Variants in SLC13A1 observed in about 807,000 individuals in gnomAD.
SLC13A1 encodes solute carrier family 13 member 1, also known as Na(+)/sulfate cotransporter.
A neutral mutation model predicts 70.0 loss-of-function variants in SLC13A1; 65 were observed. The observed-to-expected ratio is 0.93, with a 90% CI of 0.76 to 1.14. The LOEUF is 1.14. Among genes scored for constraint, SLC13A1 ranks in the 50% most tolerant of loss-of-function variants. SLC13A1 has a pLI of 0.00. For missense variants in SLC13A1, 726 were observed against 717.8 expected (o/e 1.01, Z -0.13); for synonymous variants, 275 against 250.5 (o/e 1.10, Z -0.92).
chr7:123,117,039 T>A (rs756254610), intron 14 of SLC13A1, among the ~76,000 whole-genome samples: 2 of 152,206 alleles, frequency 1.3e-5, no homozygotes, highest in Non-Finnish European at 2.9e-5. Context: ...AGTGAGGCAC[T>A]GACTCAGTGT....
chr7:123,141,457 T>C (rs1794139428), intron 7 of SLC13A1, among the ~76,000 whole-genome samples: 1 of 152,114 alleles, frequency 6.6e-6, no homozygotes, highest in Admixed American at 6.5e-5. Context: ...AGTCCAATGT[T>C]TCTTTGTTGA....
At chr7:123,137,223 A>G (rs1793982244) in intron 7 of SLC13A1, among the ~76,000 whole-genome samples, 1 of 152,212 alleles carries the variant, frequency 6.6e-6, no homozygotes, top group Non-Finnish European at 1.5e-5. Context: ...TGTGGTAGAC[A>G]GAGTTCCAAG....
chr7:123,159,688 AT>A (rs1445641079), intron 6 of SLC13A1, among the ~76,000 whole-genome samples: 2 of 152,174 alleles, frequency 1.3e-5, no homozygotes, highest in African/African-American at 4.8e-5. Flanking sequence ...GTAGCGTGAA[AT>A]AAAAGAAAAT....
At chr7:123,116,904 GC>G in intron 14 of SLC13A1, among the ~76,000 whole-genome samples, 1 of 152,272 alleles carries the variant, frequency 6.6e-6, no homozygotes. Flanking sequence ...TGAATATTCT[GC>G]CAGTACTTTT....
At chr7:123,194,411 G>A (rs990444548) in intron 1 of SLC13A1, among the ~76,000 whole-genome samples, 10 of 152,260 alleles carry the variant, frequency 6.6e-5, no homozygotes, top group African/African-American at 2.2e-4. Context: ...GGACTGTGTG[G>A]TGGAGGCTTT....
chr7:123,138,711 A>G (rs973406125), intron 7 of SLC13A1, among the ~76,000 whole-genome samples: 1 of 152,210 alleles, frequency 6.6e-6, no homozygotes, highest in Non-Finnish European at 1.5e-5. Flanking sequence ...TGCCATTTGT[A>G]TGTCTTATTT....
At chr7:123,132,806 C>T (rs1793813301) in intron 8 of SLC13A1, among the ~76,000 whole-genome samples, 2 of 152,224 alleles carry the variant, frequency 1.3e-5, no homozygotes, top group South Asian at 2.1e-4. Context: ...TGATATACAG[C>T]GACTTCACCT....
chr7:123,126,404 A>T (rs1166891194), intron 10 of SLC13A1, among the ~76,000 whole-genome samples: 2 of 152,202 alleles, frequency 1.3e-5, no homozygotes, highest in Non-Finnish European at 2.9e-5. Context: ...AGATTCCCAG[A>T]AGCCTCAACA....
intron 6 of SLC13A1, among the ~76,000 whole-genome samples, chr7:123,153,306 C>T (rs910267207): frequency 2.6e-5 from 4 of 151,936 alleles, no homozygotes; most frequent in African/African-American, 9.7e-5. Context: ...ATATCATCAA[C>T]AATTTATAAA....
intron 1 of SLC13A1, among the ~76,000 whole-genome samples, chr7:123,198,421 A>C (rs1796251569): frequency 7.5e-6 from 1 of 133,832 alleles, no homozygotes; most frequent in African/African-American, 2.6e-5. Flanking sequence ...ATTCTGTACG[A>C]ATTTGAGGGC....
At position 123,114,538 on chromosome 7, in the gene SLC13A1, A is replaced by C. The variant is rs979357241; in HGVS notation, c.*980T>G. On this transcript the variant is annotated 3_prime_UTR_variant, in exon 15 of 15. Transcript: ENST00000194130. ...TTTTCCTTCTTTTTTTCATTTTTTC[A>C]TTGCAATGTTAACACACCAGAGTTA... The C allele has an allele frequency of 1.3e-5, 2 of 149,448 alleles. No individual in the cohort carries two copies. Among genetic ancestry groups the C allele is most frequent in the Non-Finnish European group, 3.0e-5 (2 of 67,282 alleles). 9.3% of individuals were successfully genotyped at this position (149,448 alleles called of 1,614,324 possible).
At chr7:123,125,184 A>G (rs1189580758) in intron 11 of SLC13A1, among the ~76,000 whole-genome samples, 1 of 152,172 alleles carries the variant, frequency 6.6e-6, no homozygotes, top group South Asian at 2.1e-4. Context: ...CTTGAAATTC[A>G]TCACCTTTTT....
chr7:123,183,084 T>C (rs909236597), intron 1 of SLC13A1, among the ~76,000 whole-genome samples: 2 of 152,122 alleles, frequency 1.3e-5, no homozygotes, highest in African/African-American at 4.8e-5. Flanking sequence ...ATTCAGCCAG[T>C]TGGTATACCA....
intron 8 of SLC13A1, among the ~76,000 whole-genome samples, chr7:123,129,796 C>T (rs1585300352): frequency 6.6e-6 from 1 of 152,234 alleles, no homozygotes; most frequent in East Asian, 1.9e-4. Context: ...GGAATTTTGC[C>T]ATGTGCCACT....
rs78584460 is a variant in SLC13A1 at position 123,192,959 on chromosome 7, T to C, written c.99+6889A>G. On this transcript the variant is annotated intron_variant, in intron 1 of 14. Coordinates refer to ENST00000194130, the MANE Select transcript of SLC13A1 (RefSeq NM_022444.4). ...CAAAATGGATAGTAGAGAAAAGCAA[T>C]TGATGGCCCACTAAACCAGTTATTG... 5.0e-3 allele frequency among the ~76,000 whole-genome samples: 763 copies of C among 152,114 alleles called. 7 individuals are homozygous for C. The highest frequency in any genetic ancestry group is 0.017 in the African/African-American group (710 of 41,504).
chr7:123,188,085 G>A (rs1000234338), intron 1 of SLC13A1, among the ~76,000 whole-genome samples: 10 of 152,128 alleles, frequency 6.6e-5, no homozygotes, highest in Non-Finnish European at 8.8e-5. Context: ...AGGTGTCAAG[G>A]GAGAAACCAG....
chr7:123,184,667 G>C (rs1034171945), intron 1 of SLC13A1, among the ~76,000 whole-genome samples: 1 of 151,972 alleles, frequency 6.6e-6, no homozygotes, highest in African/African-American at 2.4e-5. Flanking sequence ...GCAAGTGCAT[G>C]TGTGAGTGTG....
chr7:123,199,224 T>A lies in SLC13A1; in HGVS notation c.99+624A>T, dbSNP rs12112415. ...GTTCTGGACTTAATGCCCTGACTACTCTTAAAAAGCAAACAAAAATGCTTA... is the reference window on the plus strand; with the variant it reads ...GTTCTGGACTTAATGCCCTGACTACACTTAAAAAGCAAACAAAAATGCTTA... On this transcript the variant is annotated intron_variant, in intron 1 of 14. Transcript: ENST00000194130. 3.0e-3 allele frequency among the ~76,000 whole-genome samples: 464 copies of A among 152,206 alleles called. 4 individuals are homozygous for A. The highest frequency in any genetic ancestry group is 0.011 in the African/African-American group (443 of 41,550).
intron 7 of SLC13A1, among the ~76,000 whole-genome samples, chr7:123,145,123 A>G (rs1427224243): frequency 2.0e-5 from 3 of 152,190 alleles, no homozygotes; most frequent in African/African-American, 7.2e-5. Context: ...AAAGTAGAGC[A>G]GTGGCAATAA....
Sources: gnomAD v4.1 joint callset for allele counts (sites outside exome capture counted in the v4.1 genomes callset) on GRCh38, gnomAD v4.1.1 for gene constraint, MANE v1.5 for transcripts, NCBI Gene and HGNC (gene_info 2026-07-23, HGNC 2026-07-21) for gene names.